Variants in C8orf34 observed in about 807,000 individuals in gnomAD.
C8orf34 encodes chromosome 8 open reading frame 34.
A neutral mutation model predicts 68.3 loss-of-function variants in C8orf34; 65 were observed. The observed-to-expected ratio is 0.95, with a 90% CI of 0.78 to 1.17. The LOEUF is 1.17. Among genes scored for constraint, C8orf34 ranks in the 50% most tolerant of loss-of-function variants. The probability of loss-of-function intolerance (pLI) is 0.00; values close to 1 mark genes in which losing one functional copy is unlikely to be tolerated. For synonymous variants in C8orf34, 244 were observed against 241.2 expected (o/e 1.01, Z -0.11); for missense variants, 664 against 655.4 (o/e 1.01, Z -0.14).
intron 7 of C8orf34, among the ~76,000 whole-genome samples, chr8:68,581,459 G>A (rs1189013241): frequency 6.6e-6 from 1 of 152,088 alleles, no homozygotes; most frequent in East Asian, 1.9e-4. Flanking sequence ...AGTGAAAGGT[G>A]AGAGTATCCT....
chr8:68,375,139 C>T (rs1312681051), intron 1 of C8orf34, among the ~76,000 whole-genome samples: 14 of 152,048 alleles, frequency 9.2e-5, no homozygotes, highest in Non-Finnish European at 1.5e-5. Context: ...CAATTTTATG[C>T]CCTATATAAG....
chr8:68,480,260 G>T (rs1812802451), intron 4 of C8orf34, among the ~76,000 whole-genome samples: 1 of 152,088 alleles, frequency 6.6e-6, no homozygotes, highest in South Asian at 2.1e-4. Context: ...TTCTGCTTTT[G>T]GTTCTTCCTC....
intron 1 of C8orf34, among the ~76,000 whole-genome samples, chr8:68,386,681 C>CA (rs1239350980): frequency 2.6e-5 from 4 of 152,112 alleles, no homozygotes; most frequent in Non-Finnish European, 5.9e-5. Flanking sequence ...CTTCTTCTTT[C>CA]AAAATACCTT....
At chr8:68,756,266 C>G (rs1451122528) in intron 10 of C8orf34, among the ~76,000 whole-genome samples, 1 of 152,072 alleles carries the variant, frequency 6.6e-6, no homozygotes, top group Non-Finnish European at 1.5e-5. Flanking sequence ...ACATTTGCAG[C>G]CTCAAAGGGA....
intron 7 of C8orf34, among the ~76,000 whole-genome samples, chr8:68,628,157 G>A (rs1818591436): frequency 6.6e-6 from 1 of 151,960 alleles, no homozygotes; most frequent in South Asian, 2.1e-4. Flanking sequence ...TTTTCCAAAT[G>A]CAATTCTAAC....
chr8:68,727,907 C>A (rs1005752834), intron 10 of C8orf34, among the ~76,000 whole-genome samples: 1 of 152,224 alleles, frequency 6.6e-6, no homozygotes, highest in Non-Finnish European at 1.5e-5. Flanking sequence ...AGTTCTCTGA[C>A]ATGGCCTGGA....
intron 1 of C8orf34, among the ~76,000 whole-genome samples, chr8:68,384,651 G>T (rs35472419): frequency 6.6e-6 from 1 of 152,184 alleles, no homozygotes; most frequent in African/African-American, 2.4e-5. Flanking sequence ...ATTGCTCTCA[G>T]ATTAATCAGG....
rs1811504511 is a variant in C8orf34, at chr8:68,455,404, T to C, written c.607+8944T>C. ...ATTATGTCAATATTTCCTTCCTATA[T>C]TTTAAGGCTCTGCAGCTAGGTGTTT... On this transcript the variant is annotated intron_variant, in intron 3 of 13. Coordinates refer to ENST00000518698, the MANE Select transcript of C8orf34 (RefSeq NM_052958.4). Among the ~76,000 whole-genome samples, 3 of 152,294 alleles carry C rather than the reference T, an allele frequency of 2.0e-5. No individual in the cohort carries two copies. In the South Asian group the frequency reaches 6.2e-4, roughly 32 times the overall value.
At chr8:68,718,581 T>C (rs1340661734) in intron 9 of C8orf34, among the ~76,000 whole-genome samples, 2 of 152,208 alleles carry the variant, frequency 1.3e-5, no homozygotes, top group African/African-American at 2.4e-5. Context: ...GATCCAATAA[T>C]TGAATAGTAT....
At chr8:68,469,179 C>G (rs1812275993) in intron 4 of C8orf34, among the ~76,000 whole-genome samples, 1 of 151,994 alleles carries the variant, frequency 6.6e-6, no homozygotes, top group Non-Finnish European at 1.5e-5. Context: ...CCCATTGCCT[C>G]TGTGAGTTTT....
intron 6 of C8orf34, among the ~76,000 whole-genome samples, chr8:68,527,567 G>A (rs373367064): frequency 9.8e-4 from 149 of 152,124 alleles, no homozygotes; most frequent in Non-Finnish European, 1.6e-3. Context: ...GCAAGACTCC[G>A]TCTCAAAAAA....
chr8:68,787,323 T>C (rs936290698), intron 11 of C8orf34, 120 bp from the exon 12 acceptor site: 6 of 581,996 alleles, frequency 1.0e-5, no homozygotes, highest in African/African-American at 9.4e-5. Flanking sequence ...CTTTTTTTAA[T>C]GAGGAAATTA....
intron 1 of C8orf34, among the ~76,000 whole-genome samples, chr8:68,357,069 TTC>T (rs1451655734): frequency 6.6e-6 from 1 of 152,180 alleles, no homozygotes; most frequent in East Asian, 1.9e-4. Context: ...TTTCTAAGAA[TTC>T]TCTCTAGAAA....
At chr8:68,726,798 T>C (rs183980744) in intron 10 of C8orf34, among the ~76,000 whole-genome samples, 164 of 152,186 alleles carry the variant, frequency 1.1e-3, no homozygotes, top group Non-Finnish European at 1.9e-3. Flanking sequence ...ATGAGACTTG[T>C]TCACTATCAC....
At chr8:68,568,895 C>T (rs1291965890) in intron 7 of C8orf34, among the ~76,000 whole-genome samples, 1 of 141,928 alleles carries the variant, frequency 7.0e-6, no homozygotes, top group Non-Finnish European at 1.5e-5. Context: ...TTGCGCTGCA[C>T]AACTCTGCCA....
chr8:68,458,108 G>A (rs1316540126), intron 3 of C8orf34, among the ~76,000 whole-genome samples: 1 of 152,080 alleles, frequency 6.6e-6, no homozygotes, highest in Non-Finnish European at 1.5e-5. Context: ...GATAAGTTAG[G>A]CAAGATTTAT....
intron 7 of C8orf34, among the ~76,000 whole-genome samples, chr8:68,575,150 G>A (rs1437442966): frequency 6.6e-6 from 1 of 151,950 alleles, no homozygotes; most frequent in Non-Finnish European, 1.5e-5. Flanking sequence ...ATGTCATTAG[G>A]AGAAAAGCAC....
chr8:68,683,942 C>T (rs1214246955), intron 8 of C8orf34, among the ~76,000 whole-genome samples: 1 of 152,106 alleles, frequency 6.6e-6, no homozygotes, highest in Non-Finnish European at 1.5e-5. Context: ...CTACATTGTG[C>T]TCACCCACAA....
chr8:68,557,328 T>G (rs1816285262), intron 7 of C8orf34, among the ~76,000 whole-genome samples: 1 of 152,212 alleles, frequency 6.6e-6, no homozygotes, highest in African/African-American at 2.4e-5. Flanking sequence ...TTAAATTTTC[T>G]AATTAGCTAA....
Sources: gnomAD v4.1 joint callset for allele counts (sites outside exome capture counted in the v4.1 genomes callset) on GRCh38, gnomAD v4.1.1 for gene constraint, MANE v1.5 for transcripts, NCBI Gene and HGNC (gene_info 2026-07-23, HGNC 2026-07-21) for gene names.